KIF17: variants seen among roughly 807,000 people sequenced by gnomAD.
KIF17 encodes kinesin family member 17, also known as kinesin-like protein KIF17.
Under a neutral mutation model 96.8 loss-of-function variants are expected in KIF17, and 80 were observed. The ratio of observed to expected loss-of-function variants is 0.83; its 90% CI spans 0.69 to 1.00. The LOEUF (loss-of-function observed/expected upper bound fraction) is 1.00, where lower values mean the gene tolerates loss of function less well. KIF17 is among the 50% of genes least tolerant of loss of function. The pLI, the probability that KIF17 is intolerant of heterozygous loss-of-function variation, is 0.00. For synonymous variants in KIF17, 567 were observed against 587.5 expected, an observed-to-expected ratio of 0.97 and a Z score of 0.51; for missense variants, 1,280 against 1,372.9, an observed-to-expected ratio of 0.93 and a Z score of 1.07.
At chr1:20,678,074 G>A (rs1239771936) in intron 11 of KIF17, among the ~76,000 whole-genome samples, 1 of 152,198 alleles carries the variant, frequency 6.6e-6, no homozygotes, top group Non-Finnish European at 1.5e-5. Context: ...TAAAGAAAAA[G>A]AAGTTTAATG....
Position 20,672,736 on chromosome 1 carries a change from T to C in KIF17, c.2464-540A>G. On this transcript the variant is annotated intron_variant, in intron 11 of 14. Transcript: ENST00000400463. The surrounding 1 kb of genome is among the most constrained non-coding windows in gnomAD (Gnocchi z 4.3). The stretch of plus-strand genomic sequence containing the variant: ...TGGACCTAAACAATGGACCTAAGAG[T>C]AAGACCCACCTTGATCTGATCAAGG... The C allele has an allele frequency of 4.6e-6, 1 of 218,634 alleles. No homozygotes were observed. Among genetic ancestry groups the C allele is most frequent in the East Asian group, 1.0e-4 (1 of 10,016 alleles). The allele number at this position is 218,634 out of a possible 1,614,324, so 13.5% of individuals were successfully genotyped here.
intron 6 of KIF17, among the ~76,000 whole-genome samples, chr1:20,697,863 A>T (rs529423467): frequency 2.0e-5 from 3 of 152,264 alleles, no homozygotes; most frequent in African/African-American, 7.2e-5. Flanking sequence ...GTTGGGAGGC[A>T]CTCAGATGAG....
rs138221664 is a variant in KIF17 at position 20,673,639 on chromosome 1, T to C, written c.2464-1443A>G. On this transcript the variant is annotated intron_variant, in intron 11 of 14. Coordinates refer to ENST00000400463, the MANE Select transcript of KIF17 (RefSeq NM_001122819.3). ...TCTGACTCCAGGGTTTGAGCGATTG[T>C]TATGCCTCAACTCCCAAGAAGCTGG... Among the ~76,000 whole-genome samples the C allele has an allele frequency of 3.9e-3, 584 of 151,646 alleles. 4 individuals are homozygous for C. The highest frequency in any genetic ancestry group is 0.013 in the African/African-American group (556 of 41,280).
rs778375616 is a variant in KIF17 at position 20,687,506 on chromosome 1, T to G, written c.1820A>C (p.Gln607Pro). ...PQEEPQEVPLQGLLGLQDPFA... is the reference protein window; with the variant it reads ...PQEEPQEVPLPGLLGLQDPFA... Reference sequence around the variant, plus strand: ...CGGGTCCTGCAGGCCTAGTAACCCCTGCAGGGGCACCTCCTGCGGCTCCTC... The same window carrying G: ...CGGGTCCTGCAGGCCTAGTAACCCCGGCAGGGGCACCTCCTGCGGCTCCTC... The change falls in exon 8 of 15, where the codon CAG becomes CCG. Residue 607 changes from glutamine (Q) to proline (P), a missense_variant. Coordinates refer to ENST00000400463, the MANE Select transcript of KIF17 (RefSeq NM_001122819.3). This position sits in a 1 kb window ranked among gnomAD's most constrained non-coding sequence, Gnocchi z 4.4. The G allele has an allele frequency of 1.2e-6, 2 of 1,613,522 alleles. No individual in the cohort carries two copies. Among genetic ancestry groups the G allele is most frequent in the Admixed American group, 1.7e-5 (1 of 60,006 alleles).
rs992375150 is a variant in KIF17 at position 20,687,376 on chromosome 1, G to A, written c.1938+12C>T. ...TCAGTGTTCACATGGCACCATGCGT[G>A]ACATCAGCTACCTGCACAGGGACCT... On this transcript the variant is annotated intron_variant, in intron 8 of 14. Coordinates refer to ENST00000400463, the MANE Select transcript of KIF17 (RefSeq NM_001122819.3). The surrounding 1 kb of genome is among the most constrained non-coding windows in gnomAD (Gnocchi z 4.4). 9.3e-6 allele frequency: 15 copies of A among 1,612,448 alleles called. No homozygotes were observed. The highest frequency in any genetic ancestry group is 1.3e-5 in the African/African-American group (1 of 74,888).
rs1457770099 is a variant in KIF17, at chr1:20,666,315, C to T, written c.2807G>A (p.Arg936Lys). ...GEPNMEDDRYRLMLSRSNSEN... is the reference protein window; with the variant it reads ...GEPNMEDDRYKLMLSRSNSEN... The stretch of plus-strand genomic sequence containing the variant: ...ACTGTTGCTCCGACTGAGCATGAGC[C>T]TGTAGCGGTCGTCCTCCTGCCGAGA... Residue 936 changes from arginine to lysine, a missense_variant, in exon 14 of 15, where the codon AGG becomes AAG. Coordinates refer to ENST00000400463, the MANE Select transcript of KIF17 (RefSeq NM_001122819.3). The T allele has an allele frequency of 6.2e-7, 1 of 1,613,940 alleles. No homozygotes were observed. The highest frequency in any genetic ancestry group is 1.7e-5 in the Admixed American group (1 of 60,034).
In KIF17 at chr1:20,684,863, G is replaced by T; in HGVS notation, c.2177C>A (p.Ala726Glu). The change falls in exon 10 of 15, where the codon GCA (alanine) becomes GAA (glutamate). Residue 726 changes from alanine to glutamate, a missense_variant. Transcript: ENST00000400463. ...GGGCAGCGGGTCATCAGTCAGCACT[G>T]CCACCTCCATGCCCACGCTCTCCCT... is the stretch of plus-strand genomic sequence containing the variant. ...VKRESVGMEVAVLTDDPLPVV... is the reference protein window; with the variant it reads ...VKRESVGMEVEVLTDDPLPVV... 6.3e-7 allele frequency: 1 copy of T among 1,597,586 alleles called. No individual in the cohort carries two copies. The highest frequency in any genetic ancestry group is 1.1e-5 in the South Asian group (1 of 88,340).
At position 20,704,300 on chromosome 1, in the gene KIF17, A is replaced by T. The variant is rs2054300115; in HGVS notation, c.1123+147T>A. ...GATACCATCTGGGCCGTCTCCAACC[A>T]GGGCCCTGCGCTCACATGGGGCTGA... On this transcript the variant is annotated intron_variant, in intron 5 of 14. Transcript: ENST00000400463. The surrounding 1 kb of genome is among the most constrained non-coding windows in gnomAD (Gnocchi z 6.8). The T allele has an allele frequency of 1.2e-5, 8 of 677,386 alleles. No homozygotes were observed. The highest frequency in any genetic ancestry group is 1.6e-5 in the South Asian group (1 of 63,800). The allele number at this position is 677,386 out of a possible 1,614,324, so 42.0% of individuals were successfully genotyped here.
At chr1:20,688,791 A>G (rs2053986006) in intron 7 of KIF17, among the ~76,000 whole-genome samples, 1 of 152,192 alleles carries the variant, frequency 6.6e-6, no homozygotes, top group South Asian at 2.1e-4. Flanking sequence ...TGGAGGCCTC[A>G]TATTCAATCT....
chr1:20,674,101 T>A (rs1412330275), intron 11 of KIF17, among the ~76,000 whole-genome samples: 1 of 151,960 alleles, frequency 6.6e-6, no homozygotes, highest in Non-Finnish European at 1.5e-5. Context: ...GCTAATTTTT[T>A]AATTTACTGT....
intron 10 of KIF17, among the ~76,000 whole-genome samples, chr1:20,683,884 A>AC (rs969798535): frequency 4.0e-5 from 6 of 151,298 alleles, no homozygotes; most frequent in Admixed American, 3.3e-4. Context: ...CCTGCAGCAA[A>AC]CCTTTTTCAG....
At chr1:20,663,110 G>C (rs974560029), downstream of KIF17, among the ~76,000 whole-genome samples, 3 of 152,074 alleles carry the variant, frequency 2.0e-5, no homozygotes, top group Admixed American at 6.5e-5. Flanking sequence ...TGTAATCCCA[G>C]CTACTCATGA....
chr1:20,694,048 C>A (rs1271474434), intron 6 of KIF17: 1 of 151,962 alleles, frequency 6.6e-6, no homozygotes, highest in African/African-American at 2.4e-5. Context: ...TATTGTTGGT[C>A]TCCTTGGTCT....
In KIF17 at chr1:20,687,285, T is replaced by C; in HGVS notation, c.1938+103A>G. 1 of 1,298,020 alleles carries C rather than the reference T, an allele frequency of 7.7e-7. No individual in the cohort carries two copies. The highest frequency in any genetic ancestry group is 1.2e-5 in the South Asian group (1 of 84,108). The allele number at this position is 1,298,020 out of a possible 1,614,324, so 80.4% of individuals were successfully genotyped here. A position where few individuals can be genotyped will look rare whatever the true frequency, so the allele number is the denominator to read the frequency against. On this transcript the variant is annotated intron_variant, in intron 8 of 14. Coordinates refer to ENST00000400463, the MANE Select transcript of KIF17 (RefSeq NM_001122819.3). The surrounding 1 kb of genome is among the most constrained non-coding windows in gnomAD (Gnocchi z 4.4). ...ACACAGTGGAGCCACGGCCTGAGTG[T>C]CGGAGGCCATGTGTGTGAACAGTGT...
In KIF17 at chr1:20,717,845, GCGGGGACCCCT is replaced by G. The variant is rs1282584851; in HGVS notation, c.-150_-140del. ...GGCAGGGGCGGGGCCGCGGCGGGGG[GCGGGGACCCCT>G]CGGGGGGCGCCCCGGAGGGGAGCTG... On this transcript the variant is annotated 5_prime_UTR_variant, in exon 1 of 15. Coordinates refer to ENST00000400463, the MANE Select transcript of KIF17 (RefSeq NM_001122819.3). The G allele has an allele frequency of 6.8e-6, 5 of 738,348 alleles. No homozygotes were observed. The Admixed American group carries it at 3.0e-4, about 45-fold the overall frequency. 45.7% of individuals were successfully genotyped at this position (738,348 alleles called of 1,614,324 possible).
Position 20,690,352 on chromosome 1 carries a change from G to GGGCCCCCC in KIF17, c.1234-18_1234-17insGGGGGGCC. On this transcript the variant is annotated splice_polypyrimidine_tract_variant and intron_variant, in intron 6 of 14. Transcript: ENST00000400463. ...TTCATACTCCTGGGGGGGTGGGAGG[G>GGGCCCCCC]ACCAGAGGGCAGGCAGCATTTTATC... The GGGCCCCCC allele has an allele frequency of 8.0e-5, 36 of 450,762 alleles. No individual in the cohort carries two copies. Among genetic ancestry groups the GGGCCCCCC allele is most frequent in the East Asian group, 3.0e-4 (5 of 16,734 alleles). The allele number at this position is 450,762 out of a possible 1,614,324, so 27.9% of individuals were successfully genotyped here. A position where few individuals can be genotyped will look rare whatever the true frequency, so the allele number is the denominator to read the frequency against.
chr1:20,709,085 T>G lies in KIF17; in HGVS notation c.670+554A>C, dbSNP rs12042868. 0.25 allele frequency among the ~76,000 whole-genome samples: 37,451 copies of G among 152,070 alleles called. 5,501 individuals carry two copies. Among genetic ancestry groups the G allele is most frequent in the East Asian group, 0.48 (2,494 of 5,158 alleles). On this transcript the variant is annotated intron_variant, in intron 4 of 14. Transcript: ENST00000400463. The surrounding 1 kb of genome is among the most constrained non-coding windows in gnomAD (Gnocchi z 4.7). Reference sequence around the variant, plus strand: ...AGTGCTGTAGGAGTAAGTGAGATAATGCACACACATTGCCTGGCACACTGG... The same window carrying G: ...AGTGCTGTAGGAGTAAGTGAGATAAGGCACACACATTGCCTGGCACACTGG...
Position 20,704,811 on chromosome 1 carries a change from C to T in KIF17, c.759G>A (p.Thr253=), listed in dbSNP as rs200906557. 2.5e-5 allele frequency: 40 copies of T among 1,608,076 alleles called. No individual in the cohort carries two copies. In the East Asian group the frequency reaches 5.3e-4, roughly 22 times the overall value. Residue 253 remains threonine (T), a synonymous_variant, in exon 5 of 15, where the codon ACG becomes ACA. Transcript: ENST00000400463. This position sits in a 1 kb window ranked among gnomAD's most constrained non-coding sequence, Gnocchi z 6.8. ...GSERQSKTGA[T]GERLKEATKI... Reference sequence around the variant, plus strand: ...TGGTGGCCTCCTTGAGCCGCTCGCCCGTGGCCCCGGTCTTGGACTGCCGCT... The same window carrying T: ...TGGTGGCCTCCTTGAGCCGCTCGCCTGTGGCCCCGGTCTTGGACTGCCGCT...
chr1:20,682,600 G>C (rs1012274334), intron 11 of KIF17, 53 bp downstream of exon 11: 2 of 1,509,814 alleles, frequency 1.3e-6, no homozygotes, highest in African/African-American at 2.7e-5. Flanking sequence ...TGGATCGGGG[G>C]GTCTCACCCA....
Sources: gnomAD v4.1 joint callset for allele counts (sites outside exome capture counted in the v4.1 genomes callset) on GRCh38, gnomAD v4.1.1 for gene constraint, Gnocchi (gnomAD v3.1) non-coding constraint, MANE v1.5 for transcripts, NCBI Gene and HGNC (gene_info 2026-07-23, HGNC 2026-07-21) for gene names.